The following CCDC192 variants were observed in gnomAD, a reference collection of about 807,000 sequenced individuals.
CCDC192 encodes the protein coiled-coil domain containing 192.
chr5:127,807,074 G>A (rs1322268304), intron 5 of CCDC192, among the ~76,000 whole-genome samples: 1 of 152,110 alleles, frequency 6.6e-6, no homozygotes, highest in Non-Finnish European at 1.5e-5. Context: ...ACATTACTTA[G>A]CCCCATATAG....
chr5:127,889,007 T>C (rs573362260), intron 6 of CCDC192, among the ~76,000 whole-genome samples: 2 of 152,338 alleles, frequency 1.3e-5, no homozygotes, highest in African/African-American at 4.8e-5. Flanking sequence ...TAGCAGAAGC[T>C]GTGGGTTCTA....
At chr5:127,845,944 G>C (rs549830229) in intron 5 of CCDC192, among the ~76,000 whole-genome samples, 1 of 152,160 alleles carries the variant, frequency 6.6e-6, no homozygotes, top group East Asian at 1.9e-4. Flanking sequence ...TTCCTGCAAT[G>C]GTCTCCCTTG....
At chr5:127,754,971 G>A (rs1259632336) in intron 3 of CCDC192, among the ~76,000 whole-genome samples, 5 of 152,150 alleles carry the variant, frequency 3.3e-5, no homozygotes, top group African/African-American at 1.2e-4. Flanking sequence ...GTGGCTGTGG[G>A]TATAAGTAAA....
At chr5:127,916,975 A>G (rs1309064048) in intron 6 of CCDC192, among the ~76,000 whole-genome samples, 1 of 152,208 alleles carries the variant, frequency 6.6e-6, no homozygotes, top group Non-Finnish European at 1.5e-5. Flanking sequence ...TTCCAATAGA[A>G]GGCTGTTTTG....
intron 3 of CCDC192, chr5:127,785,659 C>G (rs1403421619): frequency 1.2e-5 from 2 of 167,780 alleles, no homozygotes; most frequent in South Asian, 3.3e-4. Flanking sequence ...TTGCATAGAA[C>G]TTCTGAAACA....
chr5:127,841,680 C>A (rs1442939905), intron 5 of CCDC192, among the ~76,000 whole-genome samples: 1 of 152,142 alleles, frequency 6.6e-6, no homozygotes, highest in Non-Finnish European at 1.5e-5. Context: ...TTAACATATA[C>A]TCACCCTTGA....
chr5:127,838,305 A>G (rs1262590681), intron 5 of CCDC192, among the ~76,000 whole-genome samples: 2 of 152,226 alleles, frequency 1.3e-5, no homozygotes, highest in African/African-American at 2.4e-5. Flanking sequence ...AGAGAAAATT[A>G]TAGTCATGGT....
At chr5:127,775,553 T>G (rs1305675761) in intron 3 of CCDC192, among the ~76,000 whole-genome samples, 1 of 152,194 alleles carries the variant, frequency 6.6e-6, no homozygotes, top group Non-Finnish European at 1.5e-5. Context: ...ACCTTTTCAG[T>G]GGCAATCATC....
intron 6 of CCDC192, among the ~76,000 whole-genome samples, chr5:127,881,624 A>T (rs1752354768): frequency 6.6e-6 from 1 of 152,234 alleles, no homozygotes; most frequent in Admixed American, 6.5e-5. Context: ...AAACTATTTC[A>T]TTGGCAGTGT....
chr5:127,851,196 A>G (rs1750780964), intron 5 of CCDC192, among the ~76,000 whole-genome samples: 1 of 152,110 alleles, frequency 6.6e-6, no homozygotes, highest in Admixed American at 6.5e-5. Flanking sequence ...TTTTTATTAA[A>G]TTGGTGTCTA....
intron 5 of CCDC192, among the ~76,000 whole-genome samples, chr5:127,867,349 C>T (rs1751655089): frequency 6.6e-6 from 1 of 152,148 alleles, no homozygotes; most frequent in Non-Finnish European, 1.5e-5. Flanking sequence ...AGTTATTGCT[C>T]TTCATTATTT....
chr5:127,859,334 T>G (rs368758115), intron 5 of CCDC192, among the ~76,000 whole-genome samples: 121 of 152,298 alleles, frequency 7.9e-4, no homozygotes, highest in African/African-American at 2.8e-3. Context: ...GTCTAATGTC[T>G]CTATGGTCAG....
intron 2 of CCDC192, among the ~76,000 whole-genome samples, chr5:127,715,880 C>T (rs1001917830): frequency 2.0e-5 from 3 of 152,094 alleles, no homozygotes; most frequent in African/African-American, 7.2e-5. Flanking sequence ...TTTGAAGGCC[C>T]TGTATTTCTT....
chr5:127,829,124 C>T (rs1455988047), intron 5 of CCDC192, among the ~76,000 whole-genome samples: 1 of 152,018 alleles, frequency 6.6e-6, no homozygotes, highest in African/African-American at 2.4e-5. Context: ...GAGCTTGGGC[C>T]AGAGAGTGGA....
chr5:127,718,066 A>G (rs1385873836), intron 2 of CCDC192, among the ~76,000 whole-genome samples: 1 of 152,168 alleles, frequency 6.6e-6, no homozygotes, highest in Non-Finnish European at 1.5e-5. Context: ...AGGCCATAAA[A>G]AAGATCTTAG....
chr5:127,874,342 G>C (rs550419139), intron 5 of CCDC192, among the ~76,000 whole-genome samples: 162 of 152,272 alleles, frequency 1.1e-3, no homozygotes, highest in Non-Finnish European at 1.9e-3. Flanking sequence ...TGATCTTCCT[G>C]TTTGGGGTCT....
intron 6 of CCDC192, 50 bp downstream of exon 6, chr5:127,875,711 G>A: frequency 2.5e-6 from 1 of 397,494 alleles, no homozygotes; most frequent in Admixed American, 4.4e-5. Context: ...GCTGGGTGAT[G>A]TATGTAGTTG....
intron 6 of CCDC192, among the ~76,000 whole-genome samples, chr5:127,884,305 T>C (rs1752471803): frequency 8.8e-6 from 1 of 114,152 alleles, no homozygotes; most frequent in African/African-American, 3.4e-5. Flanking sequence ...ATTGTGCCAC[T>C]GAACTCCAGC....
chr5:127,927,996 T>G (rs1386877776), intron 6 of CCDC192, among the ~76,000 whole-genome samples: 1 of 149,800 alleles, frequency 6.7e-6, no homozygotes, highest in Admixed American at 6.7e-5. Context: ...GGCCCAATCT[T>G]GGCTCACTGC....
Sources: allele counts gnomAD v4.1 joint callset (sites outside exome capture counted in the v4.1 genomes callset), GRCh38; gene constraint gnomAD v4.1.1; transcripts MANE v1.5; gene names NCBI Gene and HGNC (gene_info 2026-07-23, HGNC 2026-07-21).